PALLD: variants seen among roughly 807,000 people sequenced by gnomAD.
PALLD encodes the protein palladin.
PALLD carries 61 observed loss-of-function variants against 123.5 expected under a neutral mutation model. The ratio of observed to expected loss-of-function variants is 0.49; its 90% CI spans 0.40 to 0.61. PALLD has a LOEUF of 0.61. Ranked by LOEUF, PALLD falls within the 20% of genes least tolerant of loss-of-function variation. PALLD has a pLI of 0.00. For synonymous variants in PALLD, 465 were observed against 496.4 expected (o/e 0.94, Z 0.84); for missense variants, 1,273 against 1,377.0 (o/e 0.92, Z 1.20).
At chr4:168,784,351 GAAAGA>G (rs566001092) in intron 10 of PALLD, among the ~76,000 whole-genome samples, 21 of 152,038 alleles carry the variant, frequency 1.4e-4, no homozygotes, top group East Asian at 9.7e-4. Flanking sequence ...GAGAGAGAGA[GAAAGA>G]AAAGAAAAGA....
chr4:168,823,533 T>A (rs1255717150), intron 10 of PALLD, among the ~76,000 whole-genome samples: 1 of 150,922 alleles, frequency 6.6e-6, no homozygotes, highest in Non-Finnish European at 1.5e-5. Context: ...TAGAAAAAAA[T>A]TAGCCACGGG....
chr4:168,922,085 TTATATATA>T (rs149658107), intron 18 of PALLD, among the ~76,000 whole-genome samples: 2 of 134,338 alleles, frequency 1.5e-5, no homozygotes, highest in South Asian at 2.5e-4. Flanking sequence ...AGTTTTATAT[TTATATATA>T]TATATATATA....
rs113542751 is a variant in PALLD at position 168,610,632 on chromosome 4, G to A, written c.909-57558G>A. Among the ~76,000 whole-genome samples, 1,167 of 152,218 alleles carry A rather than the reference G, an allele frequency of 7.7e-3. 8 individuals are homozygous for A. Among genetic ancestry groups the A allele is most frequent in the African/African-American group, 0.026 (1,087 of 41,534 alleles). On this transcript the variant is annotated intron_variant, in intron 2 of 21. Coordinates refer to ENST00000505667, the MANE Select transcript of PALLD (RefSeq NM_001166108.2). ...AGACCAAAGGGGTAGAAATAAACTC[G>A]TGCTCCCAACCCAGACCCTCCTCTA...
chr4:168,549,345 TG>T (rs1158442773), intron 2 of PALLD, among the ~76,000 whole-genome samples: 1 of 152,132 alleles, frequency 6.6e-6, no homozygotes, highest in Non-Finnish European at 1.5e-5. Context: ...TTCATCTCGG[TG>T]GGTGTTCAAA....
chr4:168,892,930 G>A (rs528406207), intron 11 of PALLD, among the ~76,000 whole-genome samples: 1 of 151,984 alleles, frequency 6.6e-6, no homozygotes, highest in African/African-American at 2.4e-5. Context: ...GACAAGTAAG[G>A]TTTCCCTTTT....
At chr4:168,617,705 C>T (rs376765747) in intron 2 of PALLD, among the ~76,000 whole-genome samples, 29 of 152,226 alleles carry the variant, frequency 1.9e-4, no homozygotes, top group African/African-American at 3.6e-4. Flanking sequence ...CATTATAAAA[C>T]GAGGAGACTT....
intron 2 of PALLD, among the ~76,000 whole-genome samples, chr4:168,563,278 T>C (rs1458043007): frequency 2.0e-5 from 3 of 152,110 alleles, no homozygotes; most frequent in Non-Finnish European, 4.4e-5. Context: ...AATCTGGAGC[T>C]CGGGGGAAAG....
chr4:168,820,299 C>T (rs543957800), intron 10 of PALLD, among the ~76,000 whole-genome samples: 3 of 152,302 alleles, frequency 2.0e-5, no homozygotes, highest in Non-Finnish European at 4.4e-5. Flanking sequence ...TGCTATTATT[C>T]TCATTTTACT....
chr4:168,750,833 G>T (rs1007351160), intron 10 of PALLD, among the ~76,000 whole-genome samples: 1 of 152,038 alleles, frequency 6.6e-6, no homozygotes, highest in African/African-American at 2.4e-5. Context: ...AACTGGAATT[G>T]TTCTCCATTT....
Position 168,739,283 on chromosome 4 carries a change from G to A in PALLD, c.1964+27360G>A, listed in dbSNP as rs1371296773. On this transcript the variant is annotated intron_variant, in intron 10 of 21. Coordinates refer to ENST00000505667, the MANE Select transcript of PALLD (RefSeq NM_001166108.2). ...TTCATTTTCCTTTGGATCAGTACCC[G>A]GTGGTAGGATTGCTGGATGGTATGG... Among the ~76,000 whole-genome samples, 6 of 152,106 alleles carry A rather than the reference G, an allele frequency of 3.9e-5. No individual in the cohort carries two copies. In the South Asian group the frequency reaches 1.0e-3, roughly 26 times the overall value.
In PALLD at chr4:168,869,053, G is replaced by T. The variant is rs1203617694; in HGVS notation, c.1965-21869G>T. ...CCTCACAGATGCCAGATTAGGAGCT[G>T]CATTACCAGGTTCACAAACGTTCTC... On this transcript the variant is annotated intron_variant, in intron 10 of 21. Coordinates refer to ENST00000505667, the MANE Select transcript of PALLD (RefSeq NM_001166108.2). The surrounding 1 kb of genome is among the most constrained non-coding windows in gnomAD (Gnocchi z 4.5). Among the ~76,000 whole-genome samples the T allele has an allele frequency of 6.6e-6, 1 of 152,168 alleles. No individual in the cohort carries two copies. Among genetic ancestry groups the T allele is most frequent in the African/African-American group, 2.4e-5 (1 of 41,450 alleles).
chr4:168,614,415 T>G (rs992445587), intron 2 of PALLD, among the ~76,000 whole-genome samples: 1 of 142,800 alleles, frequency 7.0e-6, no homozygotes, highest in Admixed American at 6.7e-5. Context: ...CTAGTCAATG[T>G]TTTTTTGCCA....
At chr4:168,777,103 T>C (rs568825023) in intron 10 of PALLD, among the ~76,000 whole-genome samples, 3,214 of 150,514 alleles carry the variant, frequency 0.021, 106 homozygotes, top group African/African-American at 0.074. Context: ...CACACACATA[T>C]ACACACACAC....
intron 2 of PALLD, among the ~76,000 whole-genome samples, chr4:168,558,689 C>T (rs774028627): frequency 6.6e-5 from 10 of 152,134 alleles, no homozygotes; most frequent in Non-Finnish European, 1.3e-4. Flanking sequence ...ACCCATTATC[C>T]ACCACCATGC....
chr4:168,897,712 A>G (rs1288974198), intron 13 of PALLD, among the ~76,000 whole-genome samples: 2 of 152,156 alleles, frequency 1.3e-5, no homozygotes, highest in African/African-American at 4.8e-5. Flanking sequence ...TCGGCCTTCC[A>G]AAGTGTTGGG....
chr4:168,718,352 A>C (rs1256897274), intron 10 of PALLD, among the ~76,000 whole-genome samples: 1 of 152,248 alleles, frequency 6.6e-6, no homozygotes, highest in East Asian at 1.9e-4. Context: ...GTTGGGACAA[A>C]ATAACTAACA....
intron 2 of PALLD, among the ~76,000 whole-genome samples, chr4:168,513,423 A>T (rs17054281): frequency 0.29 from 44,577 of 152,068 alleles, 6,664 homozygotes; most frequent in Non-Finnish European, 0.33. Flanking sequence ...TGTAGAGTTT[A>T]TACCTTCCCC....
chr4:168,752,548 T>A (rs1731202915), intron 10 of PALLD, among the ~76,000 whole-genome samples: 1 of 152,224 alleles, frequency 6.6e-6, no homozygotes. Context: ...CTAAGATGAT[T>A]CTAGATTTGT....
At chr4:168,681,165 A>T (rs1781513935) in intron 3 of PALLD, among the ~76,000 whole-genome samples, 167 bp from the exon 4 acceptor site, 1 of 152,246 alleles carries the variant, frequency 6.6e-6, no homozygotes, top group African/African-American at 2.4e-5. Flanking sequence ...TTTCTGAAGA[A>T]ACAGTACAAA....
Sources: gnomAD v4.1 joint callset for allele counts (sites outside exome capture counted in the v4.1 genomes callset) on GRCh38, gnomAD v4.1.1 for gene constraint, Gnocchi (gnomAD v3.1) non-coding constraint, MANE v1.5 for transcripts, NCBI Gene and HGNC (gene_info 2026-07-23, HGNC 2026-07-21) for gene names.